CEP250: variants seen among roughly 807,000 people sequenced by gnomAD.
CEP250 encodes the protein centrosomal protein 250, also known as centrosome-associated protein CEP250.
Under a neutral mutation model 315.7 loss-of-function variants are expected in CEP250, and 242 were observed. The observed-to-expected ratio is 0.77, with a 90% CI of 0.69 to 0.85. CEP250 has a LOEUF of 0.85. CEP250 is among the 40% of genes least tolerant of loss of function. The probability of loss-of-function intolerance (pLI) is 0.00; values close to 1 mark genes in which losing one functional copy is unlikely to be tolerated. For synonymous variants in CEP250, 1,088 were observed against 1,175.0 expected (o/e 0.93, Z 1.51); for missense variants, 2,515 against 2,886.4 (o/e 0.87, Z 2.95).
Position 35,478,072 on chromosome 20 carries a change from A to C in CEP250, c.2065A>C (p.Lys689Gln). The change falls in exon 17 of 35, where the codon AAG becomes CAG. Residue 689 changes from lysine (K) to glutamine (Q), a missense_variant. Physicochemically the swap from Lys to Gln is moderately conservative, Grantham distance 53. Transcript: ENST00000397527. The part of the protein sequence containing the change: ...QADLRDIQEE[K>Q]EEIQKKLSES... Reference sequence around the variant, plus strand: ...AGATCTCAGGGACATCCAAGAAGAGAAGGAAGAAATTCAAAAGAAACTAAG... The same window carrying C: ...AGATCTCAGGGACATCCAAGAAGAGCAGGAAGAAATTCAAAAGAAACTAAG... The C allele has an allele frequency of 6.2e-7, 1 of 1,614,058 alleles. No individual in the cohort carries two copies. The highest frequency in any genetic ancestry group is 8.5e-7 in the Non-Finnish European group (1 of 1,179,982).
At position 35,463,317 on chromosome 20, in the gene CEP250, CA is replaced by C. The variant is rs2062800593; in HGVS notation, c.187-257del. On this transcript the variant is annotated intron_variant, in intron 4 of 34. Transcript: ENST00000397527. Reference sequence around the variant, plus strand: ...ACTCGGGAGGCTGAGTTAGAAGAATCACTTCAATCTGGGAAGCGGAGGTTGC... The same window carrying C: ...ACTCGGGAGGCTGAGTTAGAAGAATCCTTCAATCTGGGAAGCGGAGGTTGC... Among the ~76,000 whole-genome samples the C allele has an allele frequency of 2.0e-5, 3 of 152,346 alleles. No homozygotes were observed. The South Asian group carries it at 6.2e-4, about 32-fold the overall frequency.
rs566011895 is a variant in CEP250, at chr20:35,493,363, A to G, written c.2890-66A>G. On this transcript the variant is annotated intron_variant, in intron 22 of 34. Transcript: ENST00000397527. ...CTCCTGCCTCAGCTTTTGCCACCCC[A>G]CCAAAAAAACCAGTATTTCTATGAC... 2.8e-5 allele frequency: 39 copies of G among 1,406,802 alleles called. No homozygotes were observed. The South Asian group carries it at 5.3e-4, about 19-fold the overall frequency. 87.1% of individuals were successfully genotyped at this position (1,406,802 alleles called of 1,614,324 possible).
At chr20:35,467,702 A>T in intron 9 of CEP250, 147 bp downstream of exon 9, 1 of 913,538 alleles carries the variant, frequency 1.1e-6, no homozygotes, top group Non-Finnish European at 1.6e-6. Context: ...TTGAAACCTG[A>T]TGCCACAGTT....
rs751567853 is a variant in CEP250 at position 35,479,964 on chromosome 20, CT to C, written c.2417-11del. The C allele has an allele frequency of 6.2e-7, 1 of 1,612,952 alleles. No individual in the cohort carries two copies. The highest frequency in any genetic ancestry group is 2.2e-5 in the East Asian group (1 of 44,852). On this transcript the variant is annotated splice_polypyrimidine_tract_variant and intron_variant, in intron 19 of 34. Transcript: ENST00000397527. The stretch of plus-strand genomic sequence containing the variant: ...AGGGGGCGGAGGCCTGATCCTGTCC[CT>C]GGCATGTTAGGGGAAGTGAGGTGCC...
Position 35,508,950 on chromosome 20 carries a change from G to A in CEP250, c.6914G>A (p.Arg2305Gln), listed in dbSNP as rs1186475157. The A allele has an allele frequency of 3.9e-6, 6 of 1,553,510 alleles. No homozygotes were observed. The highest frequency in any genetic ancestry group is 2.4e-5 in the East Asian group (1 of 41,376). The stretch of plus-strand genomic sequence containing the variant: ...TTATTTGCACCTTGGCAGGTGGAGC[G>A]AGAACGGAGGAAGCTGAAGAGGGAG... ...QLRSTLEQVERERRKLKREAM... is the reference protein window; with the variant it reads ...QLRSTLEQVEQERRKLKREAM... The change falls in exon 33 of 35, where the codon CGA becomes CAA. Residue 2305 changes from arginine to glutamine, a missense_variant. Arg to Gln is a conservative substitution (Grantham distance 43). Coordinates refer to ENST00000397527, the MANE Select transcript of CEP250 (RefSeq NM_007186.6).
At chr20:35,488,653 G>A (rs1297401036) in intron 20 of CEP250, among the ~76,000 whole-genome samples, 1 of 151,974 alleles carries the variant, frequency 6.6e-6, no homozygotes, top group Non-Finnish European at 1.5e-5. Flanking sequence ...TTGTAGATAA[G>A]GGGTTTCACC....
intron 28 of CEP250, 113 bp from the exon 29 acceptor site, chr20:35,501,731 GC>G: frequency 4.9e-6 from 6 of 1,224,646 alleles, no homozygotes; most frequent in Non-Finnish European, 6.7e-6. Context: ...CTCCTTCTTG[GC>G]CTTCCTTCCC....
In CEP250 at chr20:35,497,699, G is replaced by A. The variant is rs117075109; in HGVS notation, c.3307-20G>A. ...GGTATCCGCTTCCTGCTTATATTAT[G>A]TAAAATTCTTCCTTGACAGATGGAA... On this transcript the variant is annotated intron_variant, in intron 25 of 34. Coordinates refer to ENST00000397527, the MANE Select transcript of CEP250 (RefSeq NM_007186.6). 52,197 of 1,516,352 alleles carry A rather than the reference G, an allele frequency of 0.034. 1,032 individuals carry two copies. The highest frequency in any genetic ancestry group is 0.04 in the Non-Finnish European group (44,864 of 1,122,468). The allele number at this position is 1,516,352 out of a possible 1,614,324, so 93.9% of individuals were successfully genotyped here. A position where few individuals can be genotyped will look rare whatever the true frequency, so the allele number is the denominator to read the frequency against.
intron 1 of CEP250, among the ~76,000 whole-genome samples, chr20:35,457,906 A>G (rs1447655015): frequency 2.0e-5 from 3 of 152,194 alleles, no homozygotes; most frequent in Non-Finnish European, 4.4e-5. Context: ...GAGATGAGAA[A>G]AGGCAGCAAA....
rs1368004590 is a variant in CEP250, at chr20:35,465,725, TG to T, written c.244-17del. On this transcript the variant is annotated splice_polypyrimidine_tract_variant and intron_variant, in intron 5 of 34. Transcript: ENST00000397527. ...GTTCTCTTTGGAGGTAAGTAAGGCT[TG>T]TCTCTGTCTGGCGCAGGGACCAATC... 1 of 1,566,878 alleles carries T rather than the reference TG, an allele frequency of 6.4e-7. No individual in the cohort carries two copies. Among genetic ancestry groups the T allele is most frequent in the Admixed American group, 1.9e-5 (1 of 51,698 alleles).
In CEP250 at chr20:35,485,645, C is replaced by CTA. The variant is rs1451427062; in HGVS notation, c.2587-4991_2587-4990insAT. Among the ~76,000 whole-genome samples the CTA allele has an allele frequency of 1.5e-4, 5 of 33,818 alleles. No homozygotes were observed. In the East Asian group the frequency reaches 3.4e-3, roughly 23 times the overall value. The allele number at this position is 33,818 out of a possible 152,430, so 22.2% of individuals were successfully genotyped here. ...AGCTAGGACTACAGCGTCTGCCTGG[C>CTA]TTTTTTTTTTTTTTTTTTTTTTTTT... On this transcript the variant is annotated intron_variant, in intron 20 of 34. Coordinates refer to ENST00000397527, the MANE Select transcript of CEP250 (RefSeq NM_007186.6).
At chr20:35,510,129 G>A (rs1331264155) in intron 34 of CEP250, 75 bp downstream of exon 34, 1 of 1,386,016 alleles carries the variant, frequency 7.2e-7, no homozygotes, top group Admixed American at 1.7e-5. Flanking sequence ...GCAGGGAGAG[G>A]GGAAGTTCCT....
chr20:35,507,785 C>G lies in CEP250; in HGVS notation c.6684C>G (p.His2228Gln), dbSNP rs1179460799. The change falls in exon 31 of 35, where the codon CAC (histidine) becomes CAG (glutamine). Residue 2228 changes from histidine to glutamine, a missense_variant. Transcript: ENST00000397527. ...GGGCTCTGGAGAAGGAGCGGCTACA[C>G]AGCCCAGGTGCAACCAGCACAGCAG... Reference protein sequence around the residue: ...TRRALEKERLHSPGATSTAEL... With the variant: ...TRRALEKERLQSPGATSTAEL... 8 of 1,565,534 alleles carry G rather than the reference C, an allele frequency of 5.1e-6. No homozygotes were observed. The highest frequency in any genetic ancestry group is 3.9e-5 in the Admixed American group (2 of 51,788).
chr20:35,492,353 C>G (rs2063720776), intron 22 of CEP250, among the ~76,000 whole-genome samples: 1 of 151,884 alleles, frequency 6.6e-6, no homozygotes, highest in African/African-American at 2.4e-5. Flanking sequence ...TGAATGGGCA[C>G]GGGGTTTATT....
chr20:35,507,031 T>G (rs975692849), intron 30 of CEP250, among the ~76,000 whole-genome samples: 5 of 152,174 alleles, frequency 3.3e-5, no homozygotes, highest in East Asian at 1.9e-4. Context: ...GTGAGACTCT[T>G]GTCTCAAAAA....
At chr20:35,497,199 G>T (rs977878082) in intron 25 of CEP250, among the ~76,000 whole-genome samples, 4 of 152,134 alleles carry the variant, frequency 2.6e-5, no homozygotes, top group African/African-American at 9.7e-5. Context: ...TGGCTTGCAG[G>T]GGTTAAGGGC....
chr20:35,456,348 G>A (rs2062624873), intron 1 of CEP250, among the ~76,000 whole-genome samples: 2 of 152,192 alleles, frequency 1.3e-5, no homozygotes, highest in South Asian at 4.1e-4. Flanking sequence ...ACTGTCCCCA[G>A]GGCATTTGAT....
In CEP250 at chr20:35,508,086, T is replaced by A. The variant is rs539902499; in HGVS notation, c.6802T>A (p.Trp2268Arg). 1 of 1,614,140 alleles carries A rather than the reference T, an allele frequency of 6.2e-7. No homozygotes were observed. Among genetic ancestry groups the A allele is most frequent in the South Asian group, 1.1e-5 (1 of 91,080 alleles). The change falls in exon 32 of 35, where the codon TGG becomes AGG. Residue 2268 changes from tryptophan (W) to arginine (R), a missense_variant. Trp to Arg is a moderately radical substitution (Grantham distance 101). Transcript: ENST00000397527. ...PSPDGMEKQSWRQRLEHLQQA... is the reference protein window; with the variant it reads ...PSPDGMEKQSRRQRLEHLQQA... ...TCCTGATGGAATGGAGAAGCAGTCA[T>A]GGAGACAAAGGCTTGAACACCTGCA... is the stretch of plus-strand genomic sequence containing the variant.
chr20:35,490,148 A>C (rs2063644023), intron 20 of CEP250, among the ~76,000 whole-genome samples: 1 of 152,036 alleles, frequency 6.6e-6, no homozygotes, highest in African/African-American at 2.4e-5. Flanking sequence ...CCCCATCTCT[A>C]CTAAAAATAC....
Sources: allele counts gnomAD v4.1 joint callset (sites outside exome capture counted in the v4.1 genomes callset), GRCh38; gene constraint gnomAD v4.1.1; transcripts MANE v1.5; gene names NCBI Gene and HGNC (gene_info 2026-07-23, HGNC 2026-07-21).